The following DPP10 variants were observed in gnomAD, a reference collection of about 807,000 sequenced individuals.
DPP10 encodes the protein dipeptidyl peptidase like 10, also known as inactive dipeptidyl peptidase 10.
A neutral mutation model predicts 120.9 loss-of-function variants in DPP10; 33 were observed. The ratio of observed to expected loss-of-function variants is 0.27; its 90% CI spans 0.21 to 0.37. The LOEUF (loss-of-function observed/expected upper bound fraction) is 0.37. Ranked by LOEUF, DPP10 falls within the 10% of genes least tolerant of loss-of-function variation. The pLI is 1.00. For synonymous variants in DPP10, 337 were observed against 326.1 expected (o/e 1.03, Z -0.36); for missense variants, 816 against 942.8 (o/e 0.87, Z 1.76).
At chr2:114,466,998 G>T (rs1198003006) in intron 1 of DPP10, among the ~76,000 whole-genome samples, 1 of 148,310 alleles carries the variant, frequency 6.7e-6, no homozygotes, top group Non-Finnish European at 1.5e-5. Flanking sequence ...GCAAGATAGA[G>T]CCACTGCCTC....
rs544679514 is a variant in DPP10 at position 115,553,378 on chromosome 2, ATT to A, written c.441+27407_441+27408del. On this transcript the variant is annotated intron_variant, in intron 5 of 25. Coordinates refer to ENST00000410059, the MANE Select transcript of DPP10 (RefSeq NM_020868.6). The stretch of plus-strand genomic sequence containing the variant: ...ATGTAAATTAGATTCATAAATGAAA[ATT>A]ATCACTATTTTCAGGATTAAGAAGT... Among the ~76,000 whole-genome samples, 181 of 151,994 alleles carry A rather than the reference ATT, an allele frequency of 1.2e-3. 6 individuals are homozygous for A. In the East Asian group the frequency reaches 0.026, roughly 22 times the overall value.
chr2:114,739,598 G>T (rs1295154434), intron 1 of DPP10, among the ~76,000 whole-genome samples: 2 of 152,124 alleles, frequency 1.3e-5, no homozygotes, highest in African/African-American at 4.8e-5. Flanking sequence ...GGTAGAGGTT[G>T]CAGTGAGCCA....
At chr2:115,117,140 TG>T (rs1375459158) in intron 1 of DPP10, among the ~76,000 whole-genome samples, 3 of 152,362 alleles carry the variant, frequency 2.0e-5, no homozygotes, top group Non-Finnish European at 4.4e-5. Context: ...TGCCTTGCCA[TG>T]GTAAGCACTC....
chr2:115,298,366 T>C (rs1239185023), intron 1 of DPP10, among the ~76,000 whole-genome samples: 2 of 152,058 alleles, frequency 1.3e-5, no homozygotes, highest in African/African-American at 4.8e-5. Flanking sequence ...AATGCAGGTG[T>C]ACTGATTCCG....
At chr2:114,536,823 C>T (rs924867667) in intron 1 of DPP10, among the ~76,000 whole-genome samples, 1 of 152,064 alleles carries the variant, frequency 6.6e-6, no homozygotes, top group Non-Finnish European at 1.5e-5. Context: ...TTCTCAAAAT[C>T]CTTCTGTCTT....
At chr2:115,524,142 A>C (rs905741117) in intron 4 of DPP10, among the ~76,000 whole-genome samples, 7 of 152,156 alleles carry the variant, frequency 4.6e-5, no homozygotes, top group African/African-American at 1.7e-4. Flanking sequence ...ATTCAATTCA[A>C]TACGGAGACT....
intron 1 of DPP10, among the ~76,000 whole-genome samples, chr2:114,928,602 G>A (rs1695819597): frequency 6.6e-6 from 1 of 152,046 alleles, no homozygotes; most frequent in Non-Finnish European, 1.5e-5. Flanking sequence ...CAGCCTGAGG[G>A]TACACGGTGC....
At chr2:115,110,187 T>C (rs1337414007) in intron 1 of DPP10, among the ~76,000 whole-genome samples, 4 of 152,210 alleles carry the variant, frequency 2.6e-5, no homozygotes, top group African/African-American at 9.6e-5. Flanking sequence ...CCAGACTAAC[T>C]TTTTGGTGAT....
At chr2:115,502,364 A>C (rs957660971) in intron 4 of DPP10, among the ~76,000 whole-genome samples, 3 of 152,192 alleles carry the variant, frequency 2.0e-5, no homozygotes, top group African/African-American at 7.2e-5. Context: ...ATTAAAGGGC[A>C]TACAACTTTT....
rs1207642289 is a variant in DPP10, at chr2:114,965,977, A to G, written c.61-343262A>G. 5.3e-5 allele frequency among the ~76,000 whole-genome samples: 8 copies of G among 149,648 alleles called. No individual in the cohort carries two copies. In the South Asian group the frequency reaches 1.3e-3, roughly 23 times the overall value. ...GAGACTCCTTCTCAAAAAAAAAAAA[A>G]AAAAAAAAAAGAAAAAAAAAGAAAA... On this transcript the variant is annotated intron_variant, in intron 1 of 25. Coordinates refer to ENST00000410059, the MANE Select transcript of DPP10 (RefSeq NM_020868.6).
chr2:115,283,417 C>A (rs939468691), intron 1 of DPP10, among the ~76,000 whole-genome samples: 1 of 151,978 alleles, frequency 6.6e-6, no homozygotes, highest in African/African-American at 2.4e-5. Flanking sequence ...GCTAATTCTT[C>A]TCATACTAAT....
chr2:114,961,606 A>G (rs145224555), intron 1 of DPP10, among the ~76,000 whole-genome samples: 44 of 152,214 alleles, frequency 2.9e-4, no homozygotes, highest in Admixed American at 1.8e-3. Flanking sequence ...TTGTGTGTGT[A>G]TGTGTGCATT....
intron 1 of DPP10, among the ~76,000 whole-genome samples, chr2:114,784,887 C>G: frequency 6.6e-6 from 1 of 152,196 alleles, no homozygotes; most frequent in East Asian, 1.9e-4. Context: ...GGAAGATATT[C>G]ACATTACTCT....
chr2:114,651,314 C>T (rs1479026240), intron 1 of DPP10, among the ~76,000 whole-genome samples: 1 of 152,158 alleles, frequency 6.6e-6, no homozygotes, highest in Non-Finnish European at 1.5e-5. Context: ...CTGCATTACT[C>T]CAGGGTAAGC....
At chr2:115,021,858 C>G (rs1410104198) in intron 1 of DPP10, among the ~76,000 whole-genome samples, 6 of 152,026 alleles carry the variant, frequency 3.9e-5, no homozygotes, top group African/African-American at 1.4e-4. Context: ...GGATTAACAT[C>G]TGCAAGTCAA....
intron 1 of DPP10, among the ~76,000 whole-genome samples, chr2:114,586,903 T>G (rs1043020873): frequency 2.6e-5 from 4 of 152,230 alleles, no homozygotes; most frequent in Non-Finnish European, 5.9e-5. Flanking sequence ...CCTTCCACCA[T>G]GAGCAGAAGG....
intron 1 of DPP10, among the ~76,000 whole-genome samples, chr2:114,654,053 T>G (rs1558970976): frequency 6.6e-6 from 1 of 152,172 alleles, no homozygotes; most frequent in Non-Finnish European, 1.5e-5. Flanking sequence ...AATCTTACTA[T>G]GGAATAGCTT....
chr2:115,513,027 T>C (rs1435645611), intron 4 of DPP10, among the ~76,000 whole-genome samples: 1 of 152,110 alleles, frequency 6.6e-6, no homozygotes, highest in Non-Finnish European at 1.5e-5. Flanking sequence ...CTTTCAATTC[T>C]ATAAATTTTT....
chr2:114,476,720 T>A (rs1680405114), intron 1 of DPP10, among the ~76,000 whole-genome samples: 1 of 152,126 alleles, frequency 6.6e-6, no homozygotes, highest in African/African-American at 2.4e-5. Context: ...TTGGTGGATA[T>A]TATTTTTCTT....
Sources: allele counts gnomAD v4.1 joint callset (sites outside exome capture counted in the v4.1 genomes callset), GRCh38; gene constraint gnomAD v4.1.1; transcripts MANE v1.5; gene names NCBI Gene and HGNC (gene_info 2026-07-23, HGNC 2026-07-21).